The following NT5DC2 variants were observed in gnomAD, a reference collection of about 807,000 sequenced individuals.
NT5DC2 encodes 5'-nucleotidase domain-containing protein 2.
NT5DC2 carries 41 observed loss-of-function variants against 70.0 expected under a neutral mutation model. That is an observed-to-expected ratio of 0.59 (90% CI 0.46 to 0.76). NT5DC2 has a LOEUF of 0.76. Among genes scored for constraint, NT5DC2 ranks in the 30% least tolerant of loss-of-function variants. The probability of loss-of-function intolerance (pLI) is 0.00; values close to 1 mark genes in which losing one functional copy is unlikely to be tolerated. For synonymous variants in NT5DC2, 299 were observed against 310.4 expected (o/e 0.96, Z 0.39); for missense variants, 705 against 783.2 (o/e 0.90, Z 1.19).
Position 52,524,475 on chromosome 3 carries a change from G to A in NT5DC2, c.1669C>T (p.Arg557Cys), listed in dbSNP as rs898260470. The A allele has an allele frequency of 6.8e-6, 11 of 1,612,658 alleles. No homozygotes were observed. Among genetic ancestry groups the A allele is most frequent in the African/African-American group, 4.0e-5 (3 of 74,928 alleles). The change falls in exon 14 of 14, where the codon CGC (arginine) becomes TGC (cysteine). Residue 557 changes from arginine to cysteine, a missense_variant. Transcript: ENST00000422318. ...TPFLGDMAHI[R>C] ...CCCAGACAATAAAGGTGCCCTCAGC[G>A]GATGTGGGCCATGTCACCAAGGAAG...
In NT5DC2 at chr3:52,525,054, A is replaced by G; in HGVS notation, c.1256T>C (p.Leu419Pro). 6.3e-7 allele frequency: 1 copy of G among 1,587,952 alleles called. No individual in the cohort carries two copies. The highest frequency in any genetic ancestry group is 8.6e-7 in the Non-Finnish European group (1 of 1,167,572). The change falls in exon 12 of 14, where the codon CTG (leucine) becomes CCG (proline). Residue 419 changes from leucine (L) to proline (P), a missense_variant. Leu to Pro is a moderately conservative substitution (Grantham distance 98, BLOSUM62 -3). Transcript: ENST00000422318. ...GTTGATGATGCGGATCTCACGCTCC[A>G]GCTCGGGGATGATGGCGCCTGTGCG... ...GWRTGAIIPE[L>P]EREIRIINTE...
Position 52,529,143 on chromosome 3 carries a change from G to A in NT5DC2, c.417+7C>T, listed in dbSNP as rs183930049. 70 of 1,614,004 alleles carry A rather than the reference G, an allele frequency of 4.3e-5. No individual in the cohort carries two copies. In the East Asian group the frequency reaches 4.7e-4, roughly 11 times the overall value. On this transcript the variant is annotated splice_region_variant and intron_variant, in intron 2 of 13. Transcript: ENST00000422318. This position sits in a 1 kb window ranked among gnomAD's most constrained non-coding sequence, Gnocchi z 4.1. ...GGGTTTGTTGGTGGCAAGGACCCCCGTCTCACCTTGTAGTGCTCGATCAGG... is the reference window on the plus strand; with the variant it reads ...GGGTTTGTTGGTGGCAAGGACCCCCATCTCACCTTGTAGTGCTCGATCAGG...
At chr3:52,528,102 C>T (rs1453960344) in intron 6 of NT5DC2, 29 bp from the exon 7 acceptor site, 15 of 1,612,916 alleles carry the variant, frequency 9.3e-6, no homozygotes, top group Non-Finnish European at 1.1e-5. Context: ...AATGAGGGTA[C>T]AGCAGGGCCC....
Position 52,529,252 on chromosome 3 carries a change from C to T in NT5DC2, c.315G>A (p.Glu105=), listed in dbSNP as rs1397302080. The T allele has an allele frequency of 1.9e-6, 3 of 1,613,978 alleles. No individual in the cohort carries two copies. In the East Asian group the frequency reaches 6.7e-5, roughly 36 times the overall value. Residue 105 remains glutamate (E), a synonymous_variant, in exon 2 of 14, where the codon GAG becomes GAA. Coordinates refer to ENST00000422318, the MANE Select transcript of NT5DC2 (RefSeq NM_001134231.2). This position sits in a 1 kb window ranked among gnomAD's most constrained non-coding sequence, Gnocchi z 4.1. ...TGTAGTCGTAGTCAAAGCCGTAGAC[C>T]TCAACGTCACGCAGGCTGATCTCGT... ...ANNEISLRDV[E]VYGFDYDYTL... is the part of the protein sequence containing the mutation.
At position 52,525,007 on chromosome 3, in the gene NT5DC2, G is replaced by C. The variant is rs1417938140; in HGVS notation, c.1303C>G (p.Leu435Val). ...CCCGTGAGCGCCTGCTGCCACGTCAGCGAGTGCATGTACTGCTCCGTGTTG... is the reference window on the plus strand; with the variant it reads ...CCCGTGAGCGCCTGCTGCCACGTCACCGAGTGCATGTACTGCTCCGTGTTG... ...IINTEQYMHS[L>V]TWQQALTGLL... is the part of the protein sequence containing the mutation. The change falls in exon 12 of 14, where the codon CTG (leucine) becomes GTG (valine). Residue 435 changes from leucine (L) to valine (V), a missense_variant. Leu to Val is a conservative substitution (Grantham distance 32). Transcript: ENST00000422318. 3.1e-6 allele frequency: 5 copies of C among 1,610,850 alleles called. No homozygotes were observed. Among genetic ancestry groups the C allele is most frequent in the Non-Finnish European group, 4.2e-6 (5 of 1,179,196 alleles).
In NT5DC2 at chr3:52,528,654, C is replaced by G. The variant is rs573463767; in HGVS notation, c.531G>C (p.Gln177His). 1.9e-6 allele frequency: 3 copies of G among 1,586,356 alleles called. No homozygotes were observed. The Admixed American group carries it at 5.3e-5, about 28-fold the overall frequency. Residue 177 changes from glutamine (Q) to histidine (H), a missense_variant, in exon 4 of 14, where the codon CAG becomes CAC. By Grantham distance (24) the Gln-to-His change is conservative. Transcript: ENST00000422318. ...LMKIDAFHYV[Q>H]LGTAYRGLQP... ...CGACTGACCTGTAGGCTGTCCCCAG[C>G]TGCACGTAGTGGAAGGCGTCAATCT...
Position 52,531,761 on chromosome 3 carries a change from C to A in NT5DC2, c.232+1745G>T, listed in dbSNP as rs1001385100. Among the ~76,000 whole-genome samples the A allele has an allele frequency of 2.0e-5, 3 of 152,112 alleles. No homozygotes were observed. The highest frequency in any genetic ancestry group is 7.2e-5 in the African/African-American group (3 of 41,414). On this transcript the variant is annotated intron_variant, in intron 1 of 13. Transcript: ENST00000422318. This position sits in a 1 kb window ranked among gnomAD's most constrained non-coding sequence, Gnocchi z 4.1. ...TTTCTCCTCAGCCCTAGCTCCCACA[C>A]CTGCCCATGGTGCCAGGTCCCAGGG...
upstream of NT5DC2, chr3:52,534,698 C>A: frequency 1.3e-6 from 2 of 1,571,792 alleles, no homozygotes; most frequent in South Asian, 1.2e-5. Context: ...GCATACCAGG[C>A]TGTGCTCAGG....
At chr3:52,533,478 G>A in intron 1 of NT5DC2, 28 bp downstream of exon 1, 1 of 1,492,100 alleles carries the variant, frequency 6.7e-7, no homozygotes, top group South Asian at 1.2e-5. Context: ...AAGACACCCC[G>A]GCGCACGTCC....
chr3:52,533,858 G>A, upstream of NT5DC2: 2 of 979,544 alleles, frequency 2.0e-6, no homozygotes, highest in Non-Finnish European at 2.4e-6. Flanking sequence ...GCCGGCCAAT[G>A]GGTGCGGCGC....
At chr3:52,530,834 T>A (rs1402584787) in intron 1 of NT5DC2, among the ~76,000 whole-genome samples, 1 of 152,234 alleles carries the variant, frequency 6.6e-6, no homozygotes, top group African/African-American at 2.4e-5. Flanking sequence ...CCTGAGCCTA[T>A]GAGCATCCTG....
chr3:52,533,009 G>T (rs2079381276), intron 1 of NT5DC2, among the ~76,000 whole-genome samples: 1 of 152,204 alleles, frequency 6.6e-6, no homozygotes, highest in African/African-American at 2.4e-5. Flanking sequence ...CCCGGGCTGA[G>T]AGGGGGCCGG....
upstream of NT5DC2, chr3:52,534,359 CAAAT>C (rs761614991): frequency 2.2e-5 from 23 of 1,044,446 alleles, no homozygotes; most frequent in Non-Finnish European, 2.7e-5. Context: ...ACTGGTCTAA[CAAAT>C]AAAGAGCCCT....
intron 10 of NT5DC2, 81 bp from the exon 11 acceptor site, chr3:52,525,376 C>G: frequency 9.0e-7 from 1 of 1,114,746 alleles, no homozygotes; most frequent in South Asian, 1.4e-5. Flanking sequence ...CCAGAGGCAG[C>G]CCAAATCCAG....
In NT5DC2 at chr3:52,531,222, G is replaced by C. The variant is rs1356265924; in HGVS notation, c.233-1888C>G. 6.6e-6 allele frequency among the ~76,000 whole-genome samples: 1 copy of C among 152,170 alleles called. No homozygotes were observed. Among genetic ancestry groups the C allele is most frequent in the Non-Finnish European group, 1.5e-5 (1 of 68,020 alleles). On this transcript the variant is annotated intron_variant, in intron 1 of 13. Transcript: ENST00000422318. This position sits in a 1 kb window ranked among gnomAD's most constrained non-coding sequence, Gnocchi z 4.1. ...CAGGTGTGGCTGGTTCCCCAGGCCA[G>C]CACAGAGCGGCTGCTCCGAAGATCT... is the stretch of plus-strand genomic sequence containing the variant.
Position 52,533,705 on chromosome 3 carries a change from C to T in NT5DC2, c.33G>A (p.Arg11=). 9.8e-7 allele frequency: 1 copy of T among 1,015,996 alleles called. No homozygotes were observed. The highest frequency in any genetic ancestry group is 1.2e-6 in the Non-Finnish European group (1 of 851,726). The allele number at this position is 1,015,996 out of a possible 1,614,324, so 62.9% of individuals were successfully genotyped here. MAGAGLRAAA[R]RWLLCGGHGG... Reference sequence around the variant, plus strand: ...CGTGGCCTCCGCACAGCAGCCAGCGCCGAGCGGCCGCCCGCAGCCCCGCAC... The same window carrying T: ...CGTGGCCTCCGCACAGCAGCCAGCGTCGAGCGGCCGCCCGCAGCCCCGCAC... The change falls in exon 1 of 14, where the codon CGG becomes CGA. Residue 11 remains arginine (R), a synonymous_variant. Coordinates refer to ENST00000422318, the MANE Select transcript of NT5DC2 (RefSeq NM_001134231.2).
intron 9 of NT5DC2, 49 bp from the exon 10 acceptor site, chr3:52,527,424 G>C (rs769210113): frequency 1.8e-5 from 28 of 1,595,072 alleles, no homozygotes; most frequent in Non-Finnish European, 2.3e-5. Flanking sequence ...CTGGGCCACG[G>C]GCCGGGCAAC....
rs771257839 is a variant in NT5DC2, at chr3:52,527,886, C to A, written c.878G>T (p.Arg293Leu). The A allele has an allele frequency of 1.2e-6, 2 of 1,613,368 alleles. No individual in the cohort carries two copies. The highest frequency in any genetic ancestry group is 2.7e-5 in the African/African-American group (2 of 74,942). Reference sequence around the variant, plus strand: ...CAGCTGTTTCCCATGGGCCACCAGGCGGCTCAGGACAGCAAACGTCTCATC... The same window carrying A: ...CAGCTGTTTCCCATGGGCCACCAGGAGGCTCAGGACAGCAAACGTCTCATC... ...RGDETFAVLS[R>L]LVAHGKQLFL... Residue 293 changes from arginine (R) to leucine (L), a missense_variant, in exon 8 of 14, where the codon CGC becomes CTC. Transcript: ENST00000422318.
At chr3:52,534,435 AC>A (rs1249560687), upstream of NT5DC2, 3 of 1,596,238 alleles carry the variant, frequency 1.9e-6, no homozygotes, top group Admixed American at 5.0e-5. Flanking sequence ...AGGGCAGCCG[AC>A]GTCCGCTAAC....
Sources: gnomAD v4.1 joint callset for allele counts (sites outside exome capture counted in the v4.1 genomes callset) on GRCh38, gnomAD v4.1.1 for gene constraint, Gnocchi (gnomAD v3.1) non-coding constraint, MANE v1.5 for transcripts, NCBI Gene and HGNC (gene_info 2026-07-23, HGNC 2026-07-21) for gene names.